The following NDRG1 variants were observed in gnomAD, a reference collection of about 807,000 sequenced individuals.
NDRG1 encodes N-myc downstream regulated 1.
A neutral mutation model predicts 56.9 loss-of-function variants in NDRG1; 32 were observed. The observed-to-expected ratio is 0.56, with a 90% CI of 0.42 to 0.76. NDRG1 has a LOEUF of 0.76. Among genes scored for constraint, NDRG1 ranks in the 30% least tolerant of loss-of-function variants. NDRG1 has a pLI of 0.00. For synonymous variants in NDRG1, 211 were observed against 204.1 expected, an observed-to-expected ratio of 1.03 and a Z score of -0.29; for missense variants, 507 against 545.7, an observed-to-expected ratio of 0.93 and a Z score of 0.71.
chr8:133,296,437 G>A, intron 1 of NDRG1: 1 of 455,338 alleles, frequency 2.2e-6, no homozygotes, highest in Non-Finnish European at 4.4e-6. Context: ...GCAGACACTT[G>A]CTCCGGCTCG....
intron 4 of NDRG1, among the ~76,000 whole-genome samples, chr8:133,263,979 T>C (rs539700705): frequency 5.4e-5 from 8 of 147,894 alleles, no homozygotes; most frequent in African/African-American, 2.0e-4. Flanking sequence ...GGTAAATCCA[T>C]ACAATGGAAT....
chr8:133,247,950 A>T (rs1855785048), intron 11 of NDRG1, 24 bp from the exon 12 acceptor site: 8 of 1,612,768 alleles, frequency 5.0e-6, no homozygotes, highest in Non-Finnish European at 5.9e-6. Flanking sequence ...TAGAGCAGAG[A>T]ATTAGCACAA....
chr8:133,283,100 C>T (rs1441367549), intron 2 of NDRG1, among the ~76,000 whole-genome samples: 1 of 152,190 alleles, frequency 6.6e-6, no homozygotes, highest in African/African-American at 2.4e-5. Context: ...CACCAACGTC[C>T]GCTGGCCTGG....
chr8:133,295,532 T>G (rs1285802807), intron 1 of NDRG1, among the ~76,000 whole-genome samples: 1 of 152,242 alleles, frequency 6.6e-6, no homozygotes, highest in Admixed American at 6.5e-5. Flanking sequence ...GCCGTGTGTC[T>G]TCCCCACCAG....
chr8:133,252,356 A>T (rs1169097977), intron 9 of NDRG1, among the ~76,000 whole-genome samples: 1 of 152,118 alleles, frequency 6.6e-6, no homozygotes, highest in Non-Finnish European at 1.5e-5. Flanking sequence ...AAGCCTCCCA[A>T]AGTGCTGGGA....
chr8:133,239,053 A>G lies in NDRG1; in HGVS notation c.1010T>C (p.Leu337Pro), dbSNP rs766374078. The G allele has an allele frequency of 3.8e-6, 6 of 1,592,062 alleles. No individual in the cohort carries two copies. The highest frequency in any genetic ancestry group is 5.1e-6 in the Non-Finnish European group (6 of 1,170,802). Residue 337 changes from leucine (L) to proline (P), a missense_variant, in exon 16 of 16, where the codon CTG (leucine) becomes CCG (proline). Coordinates refer to ENST00000323851, the MANE Select transcript of NDRG1 (RefSeq NM_006096.4). The part of the protein sequence containing the change: ...RTASGSSVTS[L>P]DGTRSRSHTS... ...GTGGGAGCGGCTGCGGGTGCCATCCAGAGAAGTGACGCTGGAACCAGAGGC... is the reference window on the plus strand; with the variant it reads ...GTGGGAGCGGCTGCGGGTGCCATCCGGAGAAGTGACGCTGGAACCAGAGGC...
intron 3 of NDRG1, among the ~76,000 whole-genome samples, chr8:133,266,173 C>G (rs1434842452): frequency 5.3e-5 from 8 of 152,252 alleles, no homozygotes; most frequent in Non-Finnish European, 8.8e-5. Context: ...AGAGGCAGGT[C>G]CCCCAGACAA....
At chr8:133,266,933 T>G (rs1469483086) in intron 3 of NDRG1, among the ~76,000 whole-genome samples, 1 of 152,120 alleles carries the variant, frequency 6.6e-6, no homozygotes, top group Non-Finnish European at 1.5e-5. Flanking sequence ...ATTCTCAACC[T>G]GAGGAACAAG....
chr8:133,273,766 T>C (rs1399488462), intron 3 of NDRG1, among the ~76,000 whole-genome samples: 1 of 152,190 alleles, frequency 6.6e-6, no homozygotes, highest in Non-Finnish European at 1.5e-5. Context: ...CCTGAGACAA[T>C]GAGTATGCAA....
intron 4 of NDRG1, among the ~76,000 whole-genome samples, chr8:133,263,217 G>A (rs1429314301): frequency 1.3e-5 from 2 of 152,206 alleles, no homozygotes; most frequent in African/African-American, 4.8e-5. Flanking sequence ...ACAGACAGGG[G>A]AAGAAGTGAG....
intron 1 of NDRG1, among the ~76,000 whole-genome samples, chr8:133,296,197 T>C (rs1238967393): frequency 2.0e-5 from 3 of 151,806 alleles, no homozygotes; most frequent in Non-Finnish European, 4.4e-5. Flanking sequence ...GTCGAAGTAA[T>C]TCCAGCTGTT....
chr8:133,255,167 G>C, intron 8 of NDRG1: 1 of 394,254 alleles, frequency 2.5e-6, no homozygotes, highest in Admixed American at 3.1e-5. Flanking sequence ...GCTGACCTAA[G>C]CATTAGGCAA....
intron 1 of NDRG1, chr8:133,296,694 G>GACACACACACACACACACACAC (rs36215434): frequency 3.8e-6 from 1 of 262,002 alleles, no homozygotes; most frequent in East Asian, 1.2e-4. Context: ...CCCAGACACA[G>GACACACACACACACACACACAC]ACACACACAC....
At chr8:133,263,796 A>G (rs989695886) in intron 4 of NDRG1, among the ~76,000 whole-genome samples, 2 of 151,942 alleles carry the variant, frequency 1.3e-5, no homozygotes. Flanking sequence ...GGTGCCCGTA[A>G]TCCCAGGTAC....
chr8:133,264,776 C>A (rs958841711), intron 3 of NDRG1, 124 bp from the exon 4 acceptor site: 64 of 824,086 alleles, frequency 7.8e-5, no homozygotes, highest in Middle Eastern at 4.6e-4. Flanking sequence ...GCCATAAGAG[C>A]CCCGGCTTCG....
intron 1 of NDRG1, among the ~76,000 whole-genome samples, chr8:133,285,230 A>G (rs1858040726): frequency 6.6e-6 from 1 of 152,182 alleles, no homozygotes; most frequent in African/African-American, 2.4e-5. Flanking sequence ...ATTCTTCTAG[A>G]TCAGTAGTCA....
chr8:133,287,179 T>A (rs1858167609), intron 1 of NDRG1, among the ~76,000 whole-genome samples: 1 of 152,094 alleles, frequency 6.6e-6, no homozygotes, highest in African/African-American at 2.4e-5. Context: ...TGTTAAAAAA[T>A]AAAAATTTTA....
chr8:133,275,721 G>A (rs1857420263), intron 3 of NDRG1, among the ~76,000 whole-genome samples: 1 of 152,168 alleles, frequency 6.6e-6, no homozygotes, highest in African/African-American at 2.4e-5. Context: ...ATCGGGATTG[G>A]TTTCAAATAT....
chr8:133,244,699 A>C, intron 13 of NDRG1: 1 of 517,302 alleles, frequency 1.9e-6, no homozygotes. Flanking sequence ...TACAGGCAGA[A>C]ACTGGGCCAG....
Sources: allele counts gnomAD v4.1 joint callset (sites outside exome capture counted in the v4.1 genomes callset), GRCh38; gene constraint gnomAD v4.1.1; transcripts MANE v1.5; gene names NCBI Gene and HGNC (gene_info 2026-07-23, HGNC 2026-07-21).